Variants in EML5 observed in about 807,000 individuals in gnomAD.
EML5 encodes EMAP like 5, also known as echinoderm microtubule-associated protein-like 5.
Under a neutral mutation model 250.0 loss-of-function variants are expected in EML5, and 120 were observed. The ratio of observed to expected loss-of-function variants is 0.48; its 90% CI spans 0.41 to 0.56. The LOEUF is 0.56. Ranked by LOEUF, EML5 falls within the 20% of genes least tolerant of loss-of-function variation. The probability of loss-of-function intolerance (pLI) is 0.00; values close to 1 mark genes in which losing one functional copy is unlikely to be tolerated. For missense variants in EML5, 2,006 were observed against 2,437.6 expected, an observed-to-expected ratio of 0.82 and a Z score of 3.73; for synonymous variants, 771 against 806.5, an observed-to-expected ratio of 0.96 and a Z score of 0.75.
In EML5 at chr14:88,745,411, C is replaced by T. The variant is rs1595752530; in HGVS notation, c.456+774G>A. 5.9e-5 allele frequency among the ~76,000 whole-genome samples: 9 copies of T among 152,036 alleles called. 1 individual carries two copies. The South Asian group carries it at 1.9e-3, about 32-fold the overall frequency. On this transcript the variant is annotated intron_variant, in intron 3 of 43. Transcript: ENST00000554922. ...GTTTACAACTTTTTTGATCTACATC[C>T]ATAAAAATAGTATAATATTTAATTA...
intron 4 of EML5, among the ~76,000 whole-genome samples, chr14:88,741,770 T>A (rs2093928455): frequency 6.6e-6 from 1 of 152,160 alleles, no homozygotes; most frequent in Non-Finnish European, 1.5e-5. Context: ...CATTAAATAG[T>A]TCTGCATAAA....
Position 88,736,361 on chromosome 14 carries a change from T to C in EML5, c.1049+3A>G. 6.2e-7 allele frequency: 1 copy of C among 1,614,016 alleles called. No individual in the cohort carries two copies. The highest frequency in any genetic ancestry group is 8.5e-7 in the Non-Finnish European group (1 of 1,179,876). On this transcript the variant is annotated splice_donor_region_variant and intron_variant, in intron 7 of 43. Transcript: ENST00000554922. ...CTATGGAATTAGTTTATAATTTGCTTACCTGACCGAACGATCATCACTTCC... is the reference window on the plus strand; with the variant it reads ...CTATGGAATTAGTTTATAATTTGCTCACCTGACCGAACGATCATCACTTCC...
At chr14:88,645,098 C>T (rs1158723957) in intron 29 of EML5, among the ~76,000 whole-genome samples, 2 of 152,062 alleles carry the variant, frequency 1.3e-5, no homozygotes, top group African/African-American at 4.8e-5. Flanking sequence ...ACATTCTCGC[C>T]TCACTGCAAC....
chr14:88,618,170 G>A lies in EML5; in HGVS notation c.5642+58C>T. ...GAATGGCTCTAACAGTTCAGAAATA[G>A]GATTTTCTAACTGGCCTTCAAAGTC... is the stretch of plus-strand genomic sequence containing the variant. On this transcript the variant is annotated intron_variant, in intron 41 of 43. Coordinates refer to ENST00000554922, the MANE Select transcript of EML5 (RefSeq NM_183387.3). The A allele has an allele frequency of 2.8e-6, 4 of 1,445,406 alleles. 1 individual carries two copies. The highest frequency in any genetic ancestry group is 1.8e-4 in the Middle Eastern group (1 of 5,714). The allele number at this position is 1,445,406 out of a possible 1,614,324, so 89.5% of individuals were successfully genotyped here.
intron 21 of EML5, among the ~76,000 whole-genome samples, chr14:88,668,987 T>C (rs1430151979): frequency 6.6e-6 from 1 of 151,412 alleles, no homozygotes; most frequent in Non-Finnish European, 1.5e-5. Context: ...CCAGGTTCTC[T>C]CATTGGGACT....
intron 1 of EML5, among the ~76,000 whole-genome samples, chr14:88,771,126 T>C (rs1394572497): frequency 6.6e-6 from 1 of 152,214 alleles, no homozygotes; most frequent in Non-Finnish European, 1.5e-5. Context: ...CCTTTACATT[T>C]ATCTCACACA....
chr14:88,704,718 G>T (rs2093282949), intron 13 of EML5, 142 bp downstream of exon 13: 1 of 572,280 alleles, frequency 1.7e-6, no homozygotes. Flanking sequence ...AGATTCAGGT[G>T]ATGTGTTTTC....
chr14:88,726,499 C>T (rs750521418), intron 8 of EML5, 42 bp downstream of exon 8: 1 of 1,535,272 alleles, frequency 6.5e-7, no homozygotes, highest in Non-Finnish European at 8.8e-7. Flanking sequence ...TTCTGTATCA[C>T]TGAAGATAAA....
intron 28 of EML5, among the ~76,000 whole-genome samples, chr14:88,648,186 T>G (rs1349500693): frequency 6.6e-6 from 1 of 152,220 alleles, no homozygotes; most frequent in Admixed American, 6.5e-5. Flanking sequence ...GAACCTTCTT[T>G]ACATGTCTAG....
intron 1 of EML5, among the ~76,000 whole-genome samples, chr14:88,772,626 G>C (rs977430935): frequency 1.3e-5 from 2 of 152,058 alleles, no homozygotes; most frequent in African/African-American, 4.8e-5. Context: ...GGTGGTGCGT[G>C]CCTGTAATCC....
intron 28 of EML5, 84 bp downstream of exon 28, chr14:88,649,827 AG>A (rs1344519542): frequency 2.7e-6 from 3 of 1,107,708 alleles, no homozygotes; most frequent in Non-Finnish European, 3.8e-6. Flanking sequence ...AATGTTTTAT[AG>A]GGAAAAAATA....
In EML5 at chr14:88,792,582, T is replaced by C. The variant is rs1243258093; in HGVS notation, c.-79A>G. 3.4e-6 allele frequency: 4 copies of C among 1,188,740 alleles called. No homozygotes were observed. The highest frequency in any genetic ancestry group is 1.6e-5 in the African/African-American group (1 of 61,948). 73.6% of individuals were successfully genotyped at this position (1,188,740 alleles called of 1,614,324 possible). ...GGCGGCGGCCCGGCAACGAAAGCCC[T>C]CCCGCTGGCTGCCGGGACTTCCCGC... is the stretch of plus-strand genomic sequence containing the variant. On this transcript the variant is annotated 5_prime_UTR_variant, in exon 1 of 44. Transcript: ENST00000554922. The surrounding 1 kb of genome is among the most constrained non-coding windows in gnomAD (Gnocchi z 6.9).
chr14:88,707,266 TA>T (rs1230977934), intron 10 of EML5, among the ~76,000 whole-genome samples: 5 of 141,522 alleles, frequency 3.5e-5, no homozygotes, highest in African/African-American at 1.1e-4. Context: ...ATAATAGGGA[TA>T]TATTTTATTT....
At chr14:88,659,454 C>G (rs1052299098) in intron 25 of EML5, among the ~76,000 whole-genome samples, 19 of 152,254 alleles carry the variant, frequency 1.2e-4, no homozygotes, top group African/African-American at 4.3e-4. Flanking sequence ...TCAGGTGATC[C>G]ACCTGCCTCG....
At chr14:88,765,067 A>C (rs191717598) in intron 1 of EML5, among the ~76,000 whole-genome samples, 1 of 152,308 alleles carries the variant, frequency 6.6e-6, no homozygotes, top group East Asian at 1.9e-4. Flanking sequence ...TCCAAAGAAA[A>C]AAGTAACATA....
intron 9 of EML5, among the ~76,000 whole-genome samples, chr14:88,713,234 A>C (rs1489190231): frequency 6.6e-6 from 1 of 152,012 alleles, no homozygotes; most frequent in Non-Finnish European, 1.5e-5. Context: ...TCTACTAAAA[A>C]TACAAAAATT....
At chr14:88,786,665 C>T (rs2094554091) in intron 1 of EML5, among the ~76,000 whole-genome samples, 1 of 152,132 alleles carries the variant, frequency 6.6e-6, no homozygotes, top group Admixed American at 6.5e-5. Flanking sequence ...CAGTTTCCCC[C>T]ACACTGTTCT....
intron 1 of EML5, among the ~76,000 whole-genome samples, chr14:88,769,272 C>T (rs1376060172): frequency 6.6e-6 from 1 of 152,126 alleles, no homozygotes. Context: ...CCTCTGGGTG[C>T]TGTTCTCATG....
intron 25 of EML5, 88 bp downstream of exon 25, chr14:88,661,566 A>G (rs1490476131): frequency 1.7e-6 from 2 of 1,178,368 alleles, no homozygotes; most frequent in African/African-American, 1.5e-5. Flanking sequence ...CATATGTACA[A>G]TTAATAACAA....
Sources: gnomAD v4.1 joint callset for allele counts (sites outside exome capture counted in the v4.1 genomes callset) on GRCh38, gnomAD v4.1.1 for gene constraint, Gnocchi (gnomAD v3.1) non-coding constraint, MANE v1.5 for transcripts, NCBI Gene and HGNC (gene_info 2026-07-23, HGNC 2026-07-21) for gene names.